Variants in VRK2 observed in about 807,000 individuals in gnomAD.
VRK2 encodes serine/threonine-protein kinase VRK2.
Under a neutral mutation model 57.6 loss-of-function variants are expected in VRK2, and 60 were observed. The observed-to-expected ratio is 1.04, with a 90% CI of 0.85 to 1.29. The LOEUF (loss-of-function observed/expected upper bound fraction) is 1.29. Ranked by LOEUF, VRK2 falls within the 50% of genes most tolerant of loss-of-function variation. VRK2 has a pLI of 0.00. For synonymous variants in VRK2, 231 were observed against 199.2 expected (o/e 1.16, Z -1.35); for missense variants, 705 against 588.1 (o/e 1.20, Z -2.06).
At chr2:58,009,407 T>C (rs17049296) in intron 1 of VRK2, among the ~76,000 whole-genome samples, 15,367 of 151,534 alleles carry the variant, frequency 0.1, 942 homozygotes, top group African/African-American at 0.15. Flanking sequence ...GTACTGAATA[T>C]CAGCCATGAC....
At chr2:57,985,029 T>C (rs1672552483) in intron 1 of VRK2, among the ~76,000 whole-genome samples, 1 of 152,026 alleles carries the variant, frequency 6.6e-6, no homozygotes, top group African/African-American at 2.4e-5. Flanking sequence ...GCAAATTTGT[T>C]ATATTATTCT....
intron 1 of VRK2, among the ~76,000 whole-genome samples, chr2:57,990,792 G>A (rs1672739671): frequency 6.6e-6 from 1 of 151,976 alleles, no homozygotes; most frequent in Admixed American, 6.6e-5. Context: ...GTTCACATGG[G>A]AAAAGACTCA....
chr2:58,129,739 A>G (rs924719284), intron 8 of VRK2, among the ~76,000 whole-genome samples: 1 of 152,170 alleles, frequency 6.6e-6, no homozygotes, highest in East Asian at 1.9e-4. Context: ...AAACTTTTCA[A>G]TTTGCTTTTC....
chr2:58,026,412 TAAGAA>T (rs1433643730), intron 2 of VRK2, among the ~76,000 whole-genome samples: 1 of 152,144 alleles, frequency 6.6e-6, no homozygotes, highest in Non-Finnish European at 1.5e-5. Flanking sequence ...TATGTTTAAC[TAAGAA>T]AAGTTAATAT....
At chr2:58,157,173 C>CTAT (rs765165365) in intron 12 of VRK2, among the ~76,000 whole-genome samples, 4 of 151,920 alleles carry the variant, frequency 2.6e-5, no homozygotes, top group East Asian at 3.9e-4. Flanking sequence ...ATTTTGTTTT[C>CTAT]TATTATTTAT....
intron 2 of VRK2, among the ~76,000 whole-genome samples, chr2:58,056,634 TC>T (rs1398039090): frequency 2.0e-5 from 3 of 152,106 alleles, no homozygotes; most frequent in Non-Finnish European, 4.4e-5. Flanking sequence ...CCTCTCATCT[TC>T]CCATTCTGCA....
At chr2:57,995,001 C>T (rs777031349) in intron 1 of VRK2, among the ~76,000 whole-genome samples, 2 of 151,944 alleles carry the variant, frequency 1.3e-5, no homozygotes, top group Non-Finnish European at 2.9e-5. Context: ...AAAATATGTT[C>T]TTATACAGAA....
chr2:58,118,682 G>T (rs138228615), intron 7 of VRK2, among the ~76,000 whole-genome samples: 8 of 152,142 alleles, frequency 5.3e-5, no homozygotes, highest in African/African-American at 1.7e-4. Context: ...CCCCCGATCC[G>T]AGTCATGGCA....
At chr2:58,073,690 G>T (rs2104011654) in intron 2 of VRK2, among the ~76,000 whole-genome samples, 1 of 147,162 alleles carries the variant, frequency 6.8e-6, no homozygotes, top group African/African-American at 2.5e-5. Flanking sequence ...ATATAAAAGG[G>T]AATTTATAAA....
intron 1 of VRK2, among the ~76,000 whole-genome samples, chr2:57,908,992 G>T (rs1280127978): frequency 6.6e-6 from 1 of 152,140 alleles, no homozygotes; most frequent in African/African-American, 2.4e-5. Context: ...CGTTCCAATA[G>T]GATATACCAA....
intron 1 of VRK2, among the ~76,000 whole-genome samples, chr2:57,972,769 T>C (rs755254300): frequency 4.7e-4 from 72 of 151,994 alleles, no homozygotes; most frequent in Non-Finnish European, 7.4e-4. Context: ...CTTTTGGCCC[T>C]ATAGATAATC....
chr2:58,067,225 C>T (rs1377106580), intron 2 of VRK2, among the ~76,000 whole-genome samples: 3 of 152,128 alleles, frequency 2.0e-5, no homozygotes, highest in Non-Finnish European at 4.4e-5. Flanking sequence ...CTGTTGGCTT[C>T]CCTGCATTTG....
chr2:57,984,803 C>T (rs1415858066), intron 1 of VRK2, among the ~76,000 whole-genome samples: 1 of 151,402 alleles, frequency 6.6e-6, no homozygotes, highest in East Asian at 1.9e-4. Context: ...CTGTTTACCC[C>T]CCAAAAGAAA....
chr2:58,150,485 CTTTT>C (rs1177654800), intron 12 of VRK2, among the ~76,000 whole-genome samples: 2 of 140,710 alleles, frequency 1.4e-5, no homozygotes, highest in African/African-American at 5.2e-5. Context: ...TGGTTTCTTT[CTTTT>C]TTTAGTAGTC....
intron 7 of VRK2, among the ~76,000 whole-genome samples, chr2:58,110,495 A>T (rs1203954921): frequency 6.6e-6 from 1 of 152,210 alleles, no homozygotes; most frequent in Non-Finnish European, 1.5e-5. Context: ...TAAAAAATAT[A>T]TGTAGCCTCA....
chr2:58,147,924 A>G (rs1357280473), intron 12 of VRK2, among the ~76,000 whole-genome samples: 1 of 151,572 alleles, frequency 6.6e-6, no homozygotes, highest in Non-Finnish European at 1.5e-5. Flanking sequence ...GTGTAACTAC[A>G]TCATAATTCA....
At chr2:57,959,886 T>C (rs1281252797) in intron 1 of VRK2, among the ~76,000 whole-genome samples, 1 of 152,008 alleles carries the variant, frequency 6.6e-6, no homozygotes, top group Admixed American at 6.6e-5. Flanking sequence ...GAGCAGGCAA[T>C]AGGAGGTAGC....
intron 6 of VRK2, 85 bp from the exon 7 acceptor site, chr2:58,089,546 C>A: frequency 5.3e-6 from 4 of 748,620 alleles, no homozygotes; most frequent in Non-Finnish European, 6.2e-6. Flanking sequence ...ATGAAAAAAC[C>A]CATGTTATTC....
At chr2:58,070,063 C>T (rs1421501493) in intron 2 of VRK2, among the ~76,000 whole-genome samples, 1 of 152,168 alleles carries the variant, frequency 6.6e-6, no homozygotes, top group Non-Finnish European at 1.5e-5. Context: ...CTACCTCTTT[C>T]TCCCACTGTT....
Sources: allele counts gnomAD v4.1 joint callset (sites outside exome capture counted in the v4.1 genomes callset), GRCh38; gene constraint gnomAD v4.1.1; transcripts MANE v1.5; gene names NCBI Gene and HGNC (gene_info 2026-07-23, HGNC 2026-07-21).